CTNND2: variants seen among roughly 807,000 people sequenced by gnomAD.
CTNND2 encodes the protein catenin delta-2.
CTNND2 carries 22 observed loss-of-function variants against 144.4 expected under a neutral mutation model. The observed-to-expected ratio is 0.15, with a 90% CI of 0.11 to 0.22. The LOEUF is 0.22. Among genes scored for constraint, CTNND2 ranks in the 10% least tolerant of loss-of-function variants. The pLI, the probability that CTNND2 is intolerant of heterozygous loss-of-function variation, is 1.00. For synonymous variants in CTNND2, 751 were observed against 695.6 expected (o/e 1.08, Z -1.25); for missense variants, 1,353 against 1,618.8 (o/e 0.84, Z 2.82).
chr5:11,529,419 C>T (rs1274496429), intron 3 of CTNND2, among the ~76,000 whole-genome samples: 1 of 152,188 alleles, frequency 6.6e-6, no homozygotes, highest in Non-Finnish European at 1.5e-5. Context: ...CAAAATTCTT[C>T]CATAGTTCAT....
intron 14 of CTNND2, among the ~76,000 whole-genome samples, chr5:11,102,970 ATTTTTTTTTTTT>A (rs778134907): frequency 0.011 from 917 of 84,138 alleles, 10 homozygotes; most frequent in African/African-American, 0.045. Flanking sequence ...TATTTAAAAG[ATTTTTTTTTTTT>A]TTTTTTTTTT....
intron 12 of CTNND2, among the ~76,000 whole-genome samples, chr5:11,142,049 G>A (rs1418691811): frequency 6.6e-6 from 1 of 152,120 alleles, no homozygotes; most frequent in African/African-American, 2.4e-5. Context: ...GATGCAGCAA[G>A]AAGGCCCTCA....
chr5:11,130,219 T>C (rs1043057155), intron 12 of CTNND2, among the ~76,000 whole-genome samples: 1 of 152,072 alleles, frequency 6.6e-6, no homozygotes, highest in African/African-American at 2.4e-5. Flanking sequence ...ACACCACTGT[T>C]GTTCTGTGCC....
chr5:11,146,872 G>T (rs1757291580), intron 12 of CTNND2, among the ~76,000 whole-genome samples: 1 of 152,204 alleles, frequency 6.6e-6, no homozygotes, highest in African/African-American at 2.4e-5. Context: ...CTCTACCCAA[G>T]AAATTAATCT....
intron 1 of CTNND2, among the ~76,000 whole-genome samples, chr5:11,843,464 G>A (rs1297413348): frequency 6.6e-6 from 1 of 152,074 alleles, no homozygotes; most frequent in African/African-American, 2.4e-5. Flanking sequence ...TTGCTGTCTT[G>A]AGACTGTCAG....
chr5:11,367,000 T>C (rs1341833459), intron 7 of CTNND2, among the ~76,000 whole-genome samples: 1 of 152,218 alleles, frequency 6.6e-6, no homozygotes, highest in Non-Finnish European at 1.5e-5. Flanking sequence ...TATCAGTCTT[T>C]TGATGTGCTG....
intron 2 of CTNND2, among the ~76,000 whole-genome samples, chr5:11,623,800 G>GTATA (rs1780987183): frequency 1.2e-5 from 1 of 85,668 alleles, no homozygotes; most frequent in African/African-American, 5.9e-5. Context: ...ATATATATAT[G>GTATA]TGTGTATGTA....
At chr5:11,496,856 T>C (rs1769999278) in intron 3 of CTNND2, among the ~76,000 whole-genome samples, 1 of 152,106 alleles carries the variant, frequency 6.6e-6, no homozygotes, top group Non-Finnish European at 1.5e-5. Flanking sequence ...ACACTAGCCA[T>C]AAAGCAGGAC....
intron 3 of CTNND2, among the ~76,000 whole-genome samples, chr5:11,419,067 T>TAC (rs1165196267): frequency 2.3e-5 from 3 of 132,550 alleles, no homozygotes; most frequent in African/African-American, 1.2e-4. Context: ...TAGATATATA[T>TAC]ATAGAGAGAG....
chr5:11,444,207 C>G (rs1299257664), intron 3 of CTNND2, among the ~76,000 whole-genome samples: 1 of 152,112 alleles, frequency 6.6e-6, no homozygotes, highest in Non-Finnish European at 1.5e-5. Flanking sequence ...AAATTAATTA[C>G]TGGGCTGCTG....
At chr5:11,582,771 C>T (rs1778536273) in intron 2 of CTNND2, among the ~76,000 whole-genome samples, 1 of 152,126 alleles carries the variant, frequency 6.6e-6, no homozygotes, top group Admixed American at 6.5e-5. Flanking sequence ...GGAGCCTGGA[C>T]CACAGTGATA....
chr5:11,783,486 G>T (rs998619658), intron 1 of CTNND2, among the ~76,000 whole-genome samples: 3 of 152,112 alleles, frequency 2.0e-5, no homozygotes, highest in African/African-American at 7.2e-5. Context: ...ATGTGCTTCC[G>T]CATCGGGATT....
At chr5:11,085,845 C>T (rs1270690174) in intron 15 of CTNND2, among the ~76,000 whole-genome samples, 1 of 152,130 alleles carries the variant, frequency 6.6e-6, no homozygotes, top group African/African-American at 2.4e-5. Flanking sequence ...CTGAGGATGA[C>T]ATCCCCCTTG....
At chr5:11,861,907 C>A (rs775239304) in intron 1 of CTNND2, among the ~76,000 whole-genome samples, 14 of 152,176 alleles carry the variant, frequency 9.2e-5, no homozygotes, top group Non-Finnish European at 1.8e-4. Context: ...AGGCTCCCAT[C>A]CCTATCTTGT....
chr5:11,311,377 A>G lies in CTNND2; in HGVS notation c.1628+34995T>C, dbSNP rs115060115. ...TCAACCCACATGTACATATACTCTA[A>G]CATTCTCTCCATGCACCCTCACCTC... On this transcript the variant is annotated intron_variant, in intron 9 of 21. Coordinates refer to ENST00000304623, the MANE Select transcript of CTNND2 (RefSeq NM_001332.4). Among the ~76,000 whole-genome samples the G allele has an allele frequency of 3.7e-3, 57 of 15,540 alleles. 1 individual carries two copies. Among genetic ancestry groups the G allele is most frequent in the Non-Finnish European group, 5.0e-3 (30 of 5,968 alleles). The allele number at this position is 15,540 out of a possible 152,430, so 10.2% of individuals were successfully genotyped here. A position where few individuals can be genotyped will look rare whatever the true frequency, so the allele number is the denominator to read the frequency against.
rs145598964 is a variant in CTNND2 at position 11,527,794 on chromosome 5, T to TGGGCA, written c.287+37145_287+37149dup. Among the ~76,000 whole-genome samples, 922 of 152,310 alleles carry TGGGCA rather than the reference T, an allele frequency of 6.1e-3. 6 individuals carry two copies. Among genetic ancestry groups the TGGGCA allele is most frequent in the African/African-American group, 0.021 (885 of 41,568 alleles). On this transcript the variant is annotated intron_variant, in intron 3 of 21. Transcript: ENST00000304623. The stretch of plus-strand genomic sequence containing the variant: ...GGTGATCTTATGCTTTATGTTTCCC[T>TGGGCA]GGGCACTTAACAGAGAACAGTGGAC...
At chr5:11,394,819 A>T (rs1353389168) in intron 6 of CTNND2, among the ~76,000 whole-genome samples, 1 of 152,228 alleles carries the variant, frequency 6.6e-6, no homozygotes, top group Non-Finnish European at 1.5e-5. Flanking sequence ...ATCTTTGAGC[A>T]TTTATAATAC....
Position 11,082,865 on chromosome 5 carries a change from C to T in CTNND2, c.2638-19G>A, listed in dbSNP as rs369503295. The stretch of plus-strand genomic sequence containing the variant: ...CTGACCACTGCAAAAACAGGGAAGG[C>T]GAAGGGCGTTAGAAACAGGAAGAAA... On this transcript the variant is annotated intron_variant, in intron 15 of 21. Transcript: ENST00000304623. 7.5e-5 allele frequency: 121 copies of T among 1,611,814 alleles called. 1 individual carries two copies. Among genetic ancestry groups the T allele is most frequent in the Middle Eastern group, 3.3e-4 (2 of 6,072 alleles).
At chr5:11,782,248 T>C (rs1790579098) in intron 1 of CTNND2, among the ~76,000 whole-genome samples, 1 of 152,208 alleles carries the variant, frequency 6.6e-6, no homozygotes, top group African/African-American at 2.4e-5. Context: ...TATTTCTATA[T>C]AACAGTATGA....
Sources: allele counts gnomAD v4.1 joint callset (sites outside exome capture counted in the v4.1 genomes callset), GRCh38; gene constraint gnomAD v4.1.1; transcripts MANE v1.5; gene names NCBI Gene and HGNC (gene_info 2026-07-23, HGNC 2026-07-21).